The following ABCA13 variants were observed in gnomAD, a reference collection of about 807,000 sequenced individuals.
The protein encoded by ABCA13 is ATP-binding cassette sub-family A member 13.
Under a neutral mutation model 478.7 loss-of-function variants are expected in ABCA13, and 476 were observed. The ratio of observed to expected loss-of-function variants is 0.99; its 90% CI spans 0.92 to 1.07. The LOEUF (loss-of-function observed/expected upper bound fraction) is 1.07. Ranked by LOEUF, ABCA13 falls within the 50% of genes least tolerant of loss-of-function variation. The pLI is 0.00. For synonymous variants in ABCA13, 2,252 were observed against 2,158.9 expected (o/e 1.04, Z -1.20); for missense variants, 6,060 against 5,910.6 (o/e 1.03, Z -0.83).
chr7:48,233,295 T>C (rs1024726803), intron 7 of ABCA13, among the ~76,000 whole-genome samples: 1 of 152,172 alleles, frequency 6.6e-6, no homozygotes, highest in African/African-American at 2.4e-5. Flanking sequence ...CATCATGATC[T>C]GAAACAATCT....
intron 40 of ABCA13, among the ~76,000 whole-genome samples, chr7:48,411,587 C>T (rs772202651): frequency 1.4e-4 from 21 of 152,234 alleles, no homozygotes; most frequent in African/African-American, 3.6e-4. Flanking sequence ...GGATTACAGG[C>T]GTAAGCCACC....
intron 10 of ABCA13, among the ~76,000 whole-genome samples, chr7:48,244,372 T>C (rs1791348429): frequency 1.3e-5 from 2 of 152,232 alleles, no homozygotes; most frequent in Admixed American, 6.5e-5. Context: ...GTTTAATCCA[T>C]ATTCAGTATT....
At chr7:48,171,687 T>C in intron 1 of ABCA13, 135 bp downstream of exon 1, 1 of 1,003,882 alleles carries the variant, frequency 1.0e-6, no homozygotes, top group Non-Finnish European at 1.5e-6. Context: ...GAGGTTGGAT[T>C]ATTTTAAATC....
chr7:48,528,526 A>G (rs1833024985), intron 55 of ABCA13, among the ~76,000 whole-genome samples, 181 bp downstream of exon 55: 1 of 152,162 alleles, frequency 6.6e-6, no homozygotes, highest in African/African-American at 2.4e-5. Context: ...AACTGAGCTC[A>G]GTACTTCCAG....
At chr7:48,216,530 C>T (rs1446078763) in intron 3 of ABCA13, among the ~76,000 whole-genome samples, 2 of 152,160 alleles carry the variant, frequency 1.3e-5, no homozygotes, top group Non-Finnish European at 2.9e-5. Context: ...TCTTTCCCCC[C>T]CATTTTCTGG....
chr7:48,234,069 T>A lies in ABCA13; in HGVS notation c.815T>A (p.Val272Asp). ...MQNIVWDPQK[V>D]QYDLKSQFGF... ...AATATAGTGTGGGATCCACAGAAAG[T>A]CCAGTATGATCTCAAATCCCAGTTT... The change falls in exon 8 of 62, where the codon GTC (valine) becomes GAC (aspartate). Residue 272 changes from valine (V) to aspartate (D), a missense_variant. By Grantham distance (152) the Val-to-Asp change is radical (BLOSUM62 -3). Transcript: ENST00000435803. 1 of 1,614,002 alleles carries A rather than the reference T, an allele frequency of 6.2e-7. No homozygotes were observed. Among genetic ancestry groups the A allele is most frequent in the Non-Finnish European group, 8.5e-7 (1 of 1,179,900 alleles).
chr7:48,407,930 A>T (rs1213755708), intron 39 of ABCA13, among the ~76,000 whole-genome samples: 1 of 152,072 alleles, frequency 6.6e-6, no homozygotes, highest in Non-Finnish European at 1.5e-5. Flanking sequence ...TGCAAATACT[A>T]CCCCATTTTA....
intron 53 of ABCA13, among the ~76,000 whole-genome samples, 192 bp from the exon 54 acceptor site, chr7:48,524,056 T>G (rs546661470): frequency 2.0e-5 from 3 of 152,340 alleles, no homozygotes; most frequent in Admixed American, 2.0e-4. Context: ...TTCATTTATG[T>G]TAGACAATAA....
intron 29 of ABCA13, among the ~76,000 whole-genome samples, chr7:48,338,670 C>A (rs1375036574): frequency 6.6e-6 from 1 of 152,302 alleles, no homozygotes; most frequent in East Asian, 1.9e-4. Context: ...TTCACTGATT[C>A]AGGACTTAAC....
At chr7:48,288,378 TATG>T (rs1326131806) in intron 20 of ABCA13, among the ~76,000 whole-genome samples, 1 of 152,216 alleles carries the variant, frequency 6.6e-6, no homozygotes, top group Non-Finnish European at 1.5e-5. Context: ...TATATAAACT[TATG>T]ATGAAATAAA....
At chr7:48,639,377 C>T (rs1377312094) in intron 59 of ABCA13, among the ~76,000 whole-genome samples, 3 of 152,264 alleles carry the variant, frequency 2.0e-5, no homozygotes, top group Admixed American at 6.5e-5. Flanking sequence ...GTTGAGGCAC[C>T]AACCCATGAG....
intron 27 of ABCA13, among the ~76,000 whole-genome samples, chr7:48,321,248 A>AC (rs1803411987): frequency 6.6e-6 from 1 of 151,356 alleles, no homozygotes; most frequent in Admixed American, 6.6e-5. Flanking sequence ...GAAAGCCCCC[A>AC]CCCCCAAACA....
Position 48,403,703 on chromosome 7 carries a change from TAACTC to T in ABCA13, c.11896_11900del (p.Thr3966AlafsTer34), listed in dbSNP as rs770778526. The T allele has an allele frequency of 4.8e-5, 78 of 1,613,864 alleles. No homozygotes were observed. The highest frequency in any genetic ancestry group is 1.3e-4 in the Admixed American group (8 of 60,010). On this transcript the variant is annotated frameshift_variant, in exon 39 of 62. Transcript: ENST00000435803. LOFTEE classifies it high-confidence loss of function. Reference sequence around the variant, plus strand: ...TTCAGAACTCTTCAGGATGTGGACTTAACTCAGCATCAGCACAAACAGACCCGAGC... The same window carrying T: ...TTCAGAACTCTTCAGGATGTGGACTTAGCATCAGCACAAACAGACCCGAGC...
At chr7:48,615,239 C>T (rs1792449461) in intron 58 of ABCA13, 46 bp from the exon 59 acceptor site, 2 of 1,247,676 alleles carry the variant, frequency 1.6e-6, no homozygotes, top group Non-Finnish European at 2.1e-6. Flanking sequence ...TCAACCCTCC[C>T]CTCTTCAGGA....
At chr7:48,291,337 C>T (rs919420735) in intron 20 of ABCA13, among the ~76,000 whole-genome samples, 2 of 152,170 alleles carry the variant, frequency 1.3e-5, no homozygotes, top group Non-Finnish European at 2.9e-5. Flanking sequence ...TGTCAGACCC[C>T]TTCAGGTGTT....
rs201045629 is a variant in ABCA13 at position 48,357,170 on chromosome 7, T to TA, written c.10688+4692dup. Reference sequence around the variant, plus strand: ...ATGCTTGAAATGTTGAATTCCTGCTTAAAAAAAAATCAGCTTGATCCACAA... The same window carrying TA: ...ATGCTTGAAATGTTGAATTCCTGCTTAAAAAAAAAATCAGCTTGATCCACAA... On this transcript the variant is annotated intron_variant, in intron 31 of 61. Coordinates refer to ENST00000435803, the MANE Select transcript of ABCA13 (RefSeq NM_152701.5). Among the ~76,000 whole-genome samples the TA allele has an allele frequency of 6.0e-3, 908 of 151,532 alleles. 10 individuals are homozygous for TA. The highest frequency in any genetic ancestry group is 0.02 in the African/African-American group (843 of 41,138).
intron 1 of ABCA13, among the ~76,000 whole-genome samples, chr7:48,183,088 A>G (rs1355565365): frequency 1.1e-4 from 16 of 152,198 alleles, no homozygotes; most frequent in African/African-American, 3.6e-4. Flanking sequence ...TATGTGCTTT[A>G]CTTTAGCTTC....
intron 28 of ABCA13, among the ~76,000 whole-genome samples, chr7:48,336,910 A>T (rs900327565): frequency 5.3e-5 from 8 of 152,240 alleles, no homozygotes; most frequent in Non-Finnish European, 1.0e-4. Context: ...ATATAATCTC[A>T]TGCAATATTA....
intron 42 of ABCA13, among the ~76,000 whole-genome samples, chr7:48,445,305 G>A (rs920113011): frequency 4.6e-5 from 7 of 152,070 alleles, no homozygotes; most frequent in African/African-American, 7.2e-5. Context: ...CACTGTGCCC[G>A]GCCTAGCCAA....
Sources: gnomAD v4.1 joint callset for allele counts (sites outside exome capture counted in the v4.1 genomes callset) on GRCh38, gnomAD v4.1.1 for gene constraint, MANE v1.5 for transcripts, NCBI Gene and HGNC (gene_info 2026-07-23, HGNC 2026-07-21) for gene names.